SLC17A9: variants seen among roughly 807,000 people sequenced by gnomAD.
The protein encoded by SLC17A9 is voltage-gated purine nucleotide uniporter SLC17A9.
A neutral mutation model predicts 55.0 loss-of-function variants in SLC17A9; 49 were observed. The ratio of observed to expected loss-of-function variants is 0.89; its 90% confidence interval spans 0.71 to 1.13. The LOEUF (loss-of-function observed/expected upper bound fraction) is 1.13. Among genes scored for constraint, SLC17A9 ranks in the 50% most tolerant of loss-of-function variants. The pLI, the probability that SLC17A9 is intolerant of heterozygous loss-of-function variation, is 0.00. For missense variants in SLC17A9, 526 were observed against 569.3 expected (o/e 0.92, Z 0.77); for synonymous variants, 256 against 247.4 (o/e 1.03, Z -0.32).
At chr20:62,963,439 C>T (rs560780014) in intron 6 of SLC17A9, 70 bp downstream of exon 6, 40 of 1,547,090 alleles carry the variant, frequency 2.6e-5, no homozygotes, top group East Asian at 1.6e-4. Flanking sequence ...TGAACCTGGC[C>T]GGACCTGACA....
At chr20:62,966,682 C>G (rs1041348883) in intron 11 of SLC17A9, 21 bp from the exon 12 acceptor site, 5 of 1,613,890 alleles carry the variant, frequency 3.1e-6, no homozygotes, top group Admixed American at 1.7e-5. Flanking sequence ...CATATTCTCT[C>G]TCGCTCTGGC....
rs888875883 is a variant in SLC17A9, at chr20:62,964,225, C to A, written c.823-3C>A. 6.2e-7 allele frequency: 1 copy of A among 1,614,178 alleles called. No homozygotes were observed. The highest frequency in any genetic ancestry group is 1.3e-5 in the African/African-American group (1 of 75,070). ...CCCTCTAAGGCCAAACTCCCCCCTG[C>A]AGGGCTGGATCTTCAACGTGGTTCC... On this transcript the variant is annotated splice_polypyrimidine_tract_variant and splice_region_variant and intron_variant, in intron 7 of 12. Transcript: ENST00000370351.
At chr20:62,952,948 G>T (rs904613819) in intron 1 of SLC17A9, 59 bp downstream of exon 1, 4 of 1,427,870 alleles carry the variant, frequency 2.8e-6, no homozygotes, top group Non-Finnish European at 3.7e-6. Flanking sequence ...CGTGGGGAGG[G>T]AGCTGAGATA....
chr20:62,960,418 T>G (rs2065579390), intron 3 of SLC17A9, 86 bp from the exon 4 acceptor site: 1 of 1,295,270 alleles, frequency 7.7e-7, no homozygotes, highest in Non-Finnish European at 1.1e-6. Context: ...GGACGTCCTC[T>G]GGAATCACAG....
intron 5 of SLC17A9, 90 bp from the exon 6 acceptor site, chr20:62,963,183 T>C (rs765077452): frequency 4.3e-6 from 6 of 1,407,650 alleles, no homozygotes; most frequent in Non-Finnish European, 4.9e-6. Flanking sequence ...TGCTGACCCC[T>C]CTGGAACCAC....
intron 6 of SLC17A9, 57 bp from the exon 7 acceptor site, chr20:62,963,527 A>C: frequency 1.3e-6 from 2 of 1,549,906 alleles, no homozygotes; most frequent in Non-Finnish European, 1.7e-6. Context: ...GGTGGGTCCC[A>C]CAGGCCCGGC....
rs201430015 is a variant in SLC17A9, at chr20:62,956,879, C to G, written c.174C>G (p.Asn58Lys). The change falls in exon 2 of 13, where the codon AAC becomes AAG. Residue 58 changes from asparagine to lysine, a missense_variant. Physicochemically the swap from Asn to Lys is moderately conservative, Grantham distance 94. Transcript: ENST00000370351. Reference protein sequence around the residue: ...TVSMSQDFGWNKKEAGIVLSS... With the variant: ...TVSMSQDFGWKKKEAGIVLSS... ...CCATGAGCCAGGACTTCGGCTGGAA[C>G]AAGAAGGAGGCCGGCATCGTGCTCA... 6.2e-7 allele frequency: 1 copy of G among 1,613,504 alleles called. No homozygotes were observed. Among genetic ancestry groups the G allele is most frequent in the Non-Finnish European group, 8.5e-7 (1 of 1,180,016 alleles).
At chr20:62,965,484 T>C (rs963038376) in intron 9 of SLC17A9, 126 bp from the exon 10 acceptor site, 2 of 885,556 alleles carry the variant, frequency 2.3e-6, no homozygotes, top group Non-Finnish European at 1.8e-6. Context: ...TGAGAGAAGT[T>C]TGTGGTCGCA....
rs746148549 is a variant in SLC17A9 at position 62,963,259 on chromosome 20, C to T, written c.629-14C>T. 7.6e-5 allele frequency: 123 copies of T among 1,612,478 alleles called. No individual in the cohort carries two copies. Among genetic ancestry groups the T allele is most frequent in the Non-Finnish European group, 9.6e-5 (113 of 1,179,774 alleles). On this transcript the variant is annotated splice_polypyrimidine_tract_variant and intron_variant, in intron 5 of 12. Coordinates refer to ENST00000370351, the MANE Select transcript of SLC17A9 (RefSeq NM_022082.4). ...GCCCTGATAGCCATCAGTTTGAAAC[C>T]GTTGCTCCCTCAGATCTCATCCTGG...
Position 62,952,888 on chromosome 20 carries a change from A to G in SLC17A9, c.58A>G (p.Arg20Gly). The change falls in exon 1 of 13, where the codon AGG becomes GGG. Residue 20 changes from arginine to glycine, a missense_variant and splice_region_variant. Arg to Gly is a moderately radical substitution (Grantham distance 125). Transcript: ENST00000370351. ...CATGGCCGGGGACACCCAGTGGTCC[A>G]GGTGTGGCGGGGGTGAGGGGAGGGG... ...RDMAGDTQWS[R>G]PECQAWTGTL... The G allele has an allele frequency of 3.1e-6, 1 of 318,818 alleles. No homozygotes were observed. Among genetic ancestry groups the G allele is most frequent in the Non-Finnish European group, 4.6e-6 (1 of 216,884 alleles). The allele number at this position is 318,818 out of a possible 1,614,324, so 19.7% of individuals were successfully genotyped here. A position where few individuals can be genotyped will look rare whatever the true frequency, so the allele number is the denominator to read the frequency against.
intron 3 of SLC17A9, among the ~76,000 whole-genome samples, chr20:62,957,853 G>T (rs527973286): frequency 1.6e-5 from 2 of 121,770 alleles, no homozygotes; most frequent in African/African-American, 2.7e-5. Flanking sequence ...GCACCTGTGC[G>T]TGTGCGTGTG....
Position 62,956,734 on chromosome 20 carries a change from C to T in SLC17A9, c.60-31C>T, listed in dbSNP as rs1358859758. ...TCGAAGCAGCAGGGCCGTGGGGCCT[C>T]CCCAGGGCCTGACCATCTCCTGTCC... On this transcript the variant is annotated intron_variant, in intron 1 of 12. Transcript: ENST00000370351. The T allele has an allele frequency of 1.9e-6, 3 of 1,597,816 alleles. No homozygotes were observed. The Admixed American group carries it at 5.1e-5, about 27-fold the overall frequency.
intron 5 of SLC17A9, chr20:62,963,053 A>C (rs748646527): frequency 2.5e-5 from 16 of 636,342 alleles, no homozygotes; most frequent in Non-Finnish European, 3.3e-5. Context: ...GCTCTGGAGG[A>C]GGCCGTGTGG....
intron 12 of SLC17A9, chr20:62,966,957 C>A (rs1427905213): frequency 3.3e-6 from 2 of 599,342 alleles, no homozygotes; most frequent in African/African-American, 1.9e-5. Context: ...CCCTGACTCA[C>A]AGATATGTTC....
At chr20:62,959,943 C>T (rs1174690018) in intron 3 of SLC17A9, among the ~76,000 whole-genome samples, 4 of 152,198 alleles carry the variant, frequency 2.6e-5, no homozygotes, top group Non-Finnish European at 5.9e-5. Flanking sequence ...ACTTCTAAAG[C>T]GGCTGAGAAC....
chr20:62,968,289 C>G lies in SLC17A9; in HGVS notation c.*789C>G, dbSNP rs932106366. The G allele has an allele frequency of 7.9e-5, 12 of 152,498 alleles. No homozygotes were observed. Among genetic ancestry groups the G allele is most frequent in the African/African-American group, 2.4e-4 (10 of 41,602 alleles). 9.4% of individuals were successfully genotyped at this position (152,498 alleles called of 1,614,324 possible). A position where few individuals can be genotyped will look rare whatever the true frequency, so the allele number is the denominator to read the frequency against. The stretch of plus-strand genomic sequence containing the variant: ...TCTCAGTGGGCAGACGCCTGGGCAC[C>G]CCTTGGGCCCTGCCCAGCATGGCCA... On this transcript the variant is annotated 3_prime_UTR_variant, in exon 13 of 13. Transcript: ENST00000370351.
At chr20:62,963,171 C>G in intron 5 of SLC17A9, 102 bp from the exon 6 acceptor site, 1 of 1,217,816 alleles carries the variant, frequency 8.2e-7, no homozygotes, top group South Asian at 1.3e-5. Context: ...ATGGACGAGG[C>G]CTGCTGACCC....
chr20:62,965,110 C>A, intron 8 of SLC17A9, 22 bp from the exon 9 acceptor site: 4 of 1,613,888 alleles, frequency 2.5e-6, no homozygotes, highest in Non-Finnish European at 3.4e-6. Flanking sequence ...ACGGGAGCCC[C>A]TTCCTTGGCC....
At position 62,967,454 on chromosome 20, in the gene SLC17A9, G is replaced by T. The variant is rs767125055; in HGVS notation, c.1265G>T (p.Gly422Val). The change falls in exon 13 of 13, where the codon GGA (glycine) becomes GTA (valine). Residue 422 changes from glycine (G) to valine (V), a missense_variant. Transcript: ENST00000370351. ...NLGLCTFLVF[G>V]QAQRVDLSST... ...GGGCTGTGCACCTTCCTGGTGTTTG[G>T]ACAGGCTCAGAGGGTGGACCTGAGC... 1 of 1,614,138 alleles carries T rather than the reference G, an allele frequency of 6.2e-7. No homozygotes were observed. The highest frequency in any genetic ancestry group is 8.5e-7 in the Non-Finnish European group (1 of 1,180,012).
Sources: allele counts gnomAD v4.1 joint callset (sites outside exome capture counted in the v4.1 genomes callset), GRCh38; gene constraint gnomAD v4.1.1; transcripts MANE v1.5; gene names NCBI Gene and HGNC (gene_info 2026-07-23, HGNC 2026-07-21).